The following PER2 variants were observed in gnomAD, a reference collection of about 807,000 sequenced individuals.
PER2 encodes period circadian protein homolog 2.
PER2 carries 66 observed loss-of-function variants against 121.0 expected under a neutral mutation model. The ratio of observed to expected loss-of-function variants is 0.55; its 90% CI spans 0.45 to 0.67. The LOEUF (loss-of-function observed/expected upper bound fraction) is 0.67, where lower values mean the gene tolerates loss of function less well. Among genes scored for constraint, PER2 ranks in the 30% least tolerant of loss-of-function variants. The pLI, the probability that PER2 is intolerant of heterozygous loss-of-function variation, is 0.00. For synonymous variants in PER2, 684 were observed against 659.9 expected, an observed-to-expected ratio of 1.04 and a Z score of -0.56; for missense variants, 1,521 against 1,635.0, an observed-to-expected ratio of 0.93 and a Z score of 1.20.
At chr2:238,250,289 C>A (rs992645486) in intron 21 of PER2, among the ~76,000 whole-genome samples, 1 of 152,264 alleles carries the variant, frequency 6.6e-6, no homozygotes, top group African/African-American at 2.4e-5. Flanking sequence ...AAGGAGGCAC[C>A]AGGAGCCTGT....
At chr2:238,275,001 T>C (rs1349960018) in intron 4 of PER2, among the ~76,000 whole-genome samples, 1 of 152,138 alleles carries the variant, frequency 6.6e-6, no homozygotes, top group East Asian at 1.9e-4. Context: ...TACCCAAACA[T>C]TTAAAAATAT....
intron 1 of PER2, among the ~76,000 whole-genome samples, chr2:238,285,094 G>A (rs1696743768): frequency 6.6e-6 from 1 of 152,254 alleles, no homozygotes; most frequent in South Asian, 2.1e-4. Flanking sequence ...TGGTTGAAAA[G>A]GGGCTGCCAA....
intron 1 of PER2, among the ~76,000 whole-genome samples, chr2:238,284,629 C>A (rs567911200): frequency 6.6e-6 from 1 of 152,310 alleles, no homozygotes; most frequent in African/African-American, 2.4e-5. Flanking sequence ...GTATCTGAAG[C>A]CACCATGCTG....
At chr2:238,289,804 A>G (rs548192185), upstream of PER2, 14 of 152,384 alleles carry the variant, frequency 9.2e-5, no homozygotes, top group East Asian at 9.7e-4. Context: ...TTCGGTAAGC[A>G]TTGTGTGGGG....
rs1695600209 is a variant in PER2 at position 238,251,573 on chromosome 2, C to G, written c.3274+26G>C. ...CATCCTGCAGGAACCTCCCAAGTGCCTAACACCCCGCCAGGGCCAACATAC... is the reference window on the plus strand; with the variant it reads ...CATCCTGCAGGAACCTCCCAAGTGCGTAACACCCCGCCAGGGCCAACATAC... On this transcript the variant is annotated intron_variant, in intron 20 of 22. Coordinates refer to ENST00000254657, the MANE Select transcript of PER2 (RefSeq NM_022817.3). The G allele has an allele frequency of 2.5e-6, 4 of 1,611,812 alleles. No homozygotes were observed. The East Asian group carries it at 8.9e-5, about 36-fold the overall frequency.
the PER2 span, chr2:238,295,532 C>T: frequency 4.6e-5 from 7 of 152,268 alleles, no homozygotes. Flanking sequence ...GCAAAGGGGT[C>T]TGATTGGGTT....
At position 238,244,255 on chromosome 2, in the gene PER2, G is replaced by C. The variant is rs1191551374; in HGVS notation, c.*2120C>G. 9 of 152,534 alleles carry C rather than the reference G, an allele frequency of 5.9e-5. No individual in the cohort carries two copies. The allele number at this position is 152,534 out of a possible 1,614,324, so 9.4% of individuals were successfully genotyped here. A position where few individuals can be genotyped will look rare whatever the true frequency, so the allele number is the denominator to read the frequency against. On this transcript the variant is annotated 3_prime_UTR_variant, in exon 23 of 23. Coordinates refer to ENST00000254657, the MANE Select transcript of PER2 (RefSeq NM_022817.3). ...GGGAATATATTAAAAAGAAGGCTCA[G>C]TTTAAAATAGAGAAAAACTGTTTAA... is the stretch of plus-strand genomic sequence containing the variant.
chr2:238,266,505 G>A (rs1696118526), intron 8 of PER2, among the ~76,000 whole-genome samples: 2 of 152,144 alleles, frequency 1.3e-5, no homozygotes, highest in Non-Finnish European at 2.9e-5. Flanking sequence ...AGCTGATAGA[G>A]TAATTTGCAT....
chr2:238,261,570 G>A (rs1695933645), intron 12 of PER2, 159 bp downstream of exon 12: 1 of 677,128 alleles, frequency 1.5e-6, no homozygotes, highest in South Asian at 1.6e-5. Context: ...TCTCGGACTA[G>A]CACAGTCTAT....
chr2:238,253,088 G>C lies in PER2; in HGVS notation c.2935C>G (p.Pro979Ala), dbSNP rs1191063721. The C allele has an allele frequency of 6.2e-7, 1 of 1,611,082 alleles. No individual in the cohort carries two copies. The highest frequency in any genetic ancestry group is 8.5e-7 in the Non-Finnish European group (1 of 1,178,062). Residue 979 changes from proline to alanine, a missense_variant, in exon 19 of 23, where the codon CCG (proline) becomes GCG (alanine). By Grantham distance (27) the Pro-to-Ala change is conservative (BLOSUM62 -1). Transcript: ENST00000254657. This position sits in a 1 kb window ranked among gnomAD's most constrained non-coding sequence, Gnocchi z 5.6. ...PPSAMGRASP[P>A]LFQSRSSSPL... is the part of the protein sequence containing the mutation. The stretch of plus-strand genomic sequence containing the variant: ...GAGCTGCTGCGGGACTGAAAGAGCG[G>C]TGGGGAGGCCCTACCCATGGCCGAT...
chr2:238,251,680 G>A lies in PER2; in HGVS notation c.3193C>T (p.Leu1065Phe). The stretch of plus-strand genomic sequence containing the variant: ...GCAGCAGAGCCCGAGGCTGAGCAGA[G>A]GTCCTCATTCAGCAGGAGGTTTAGG... ...GLLNLLLNEDLCSASGSAASE... is the reference protein window; with the variant it reads ...GLLNLLLNEDFCSASGSAASE... The change falls in exon 20 of 23, where the codon CTC (leucine) becomes TTC (phenylalanine). Residue 1065 changes from leucine to phenylalanine, a missense_variant. Physicochemically the swap from Leu to Phe is conservative, Grantham distance 22 (BLOSUM62 0). Coordinates refer to ENST00000254657, the MANE Select transcript of PER2 (RefSeq NM_022817.3). 1 of 1,614,076 alleles carries A rather than the reference G, an allele frequency of 6.2e-7. No individual in the cohort carries two copies. The highest frequency in any genetic ancestry group is 8.5e-7 in the Non-Finnish European group (1 of 1,179,896).
Position 238,252,877 on chromosome 2 carries a change from C to A in PER2, c.3111+35G>T, listed in dbSNP as rs1488094542. On this transcript the variant is annotated intron_variant, in intron 19 of 22. Coordinates refer to ENST00000254657, the MANE Select transcript of PER2 (RefSeq NM_022817.3). The surrounding 1 kb of genome is among the most constrained non-coding windows in gnomAD (Gnocchi z 4.2). ...GGCCTGCCAGGTGTGCTGTTTGCTG[C>A]CTGCTTTGGGGAAAGAGCATCAGAA... 1 of 1,594,542 alleles carries A rather than the reference C, an allele frequency of 6.3e-7. No individual in the cohort carries two copies.
Position 238,246,330 on chromosome 2 carries a change from C to A in PER2, c.*45G>T. 1 of 1,483,528 alleles carries A rather than the reference C, an allele frequency of 6.7e-7. No homozygotes were observed. The highest frequency in any genetic ancestry group is 9.2e-7 in the Non-Finnish European group (1 of 1,092,406). The allele number at this position is 1,483,528 out of a possible 1,614,324, so 91.9% of individuals were successfully genotyped here. A position where few individuals can be genotyped will look rare whatever the true frequency, so the allele number is the denominator to read the frequency against. ...AAGATCTTTCATCTCTTCCAAGCACCACCTGGTGTACCTCGCTGGCTGCCG... is the reference window on the plus strand; with the variant it reads ...AAGATCTTTCATCTCTTCCAAGCACAACCTGGTGTACCTCGCTGGCTGCCG... On this transcript the variant is annotated 3_prime_UTR_variant, in exon 23 of 23. Coordinates refer to ENST00000254657, the MANE Select transcript of PER2 (RefSeq NM_022817.3).
chr2:238,262,457 T>C (rs1695965237), intron 10 of PER2, 113 bp from the exon 11 acceptor site: 2 of 975,874 alleles, frequency 2.0e-6, no homozygotes, highest in Non-Finnish European at 3.2e-6. Flanking sequence ...ACTGTAGGGG[T>C]ATGAACACTT....
chr2:238,291,890 C>G (rs578203568), upstream of PER2, among the ~76,000 whole-genome samples: 1 of 152,272 alleles, frequency 6.6e-6, no homozygotes, highest in East Asian at 1.9e-4. Context: ...GTTTGCGGAC[C>G]GGTATAAAGA....
chr2:238,283,129 G>A (rs767310259), intron 1 of PER2, among the ~76,000 whole-genome samples: 3 of 152,228 alleles, frequency 2.0e-5, no homozygotes, highest in Non-Finnish European at 2.9e-5. Context: ...GGGAGAGCTC[G>A]CTTGCTGGAC....
At chr2:238,262,379 G>A (rs1339296094) in intron 10 of PER2, 35 bp from the exon 11 acceptor site, 4 of 1,609,972 alleles carry the variant, frequency 2.5e-6, no homozygotes, top group East Asian at 2.2e-5. Context: ...AGGGGAAAAG[G>A]GGAGCAAACA....
chr2:238,263,160 A>ACCCCACCCCCTC (rs554309760), intron 9 of PER2, 102 bp from the exon 10 acceptor site: 8 of 734,156 alleles, frequency 1.1e-5, no homozygotes, highest in Non-Finnish European at 1.9e-5. Context: ...TACACTCCAA[A>ACCCCACCCCCTC]CCCCACCCCC....
intron 6 of PER2, 129 bp from the exon 7 acceptor site, chr2:238,269,103 G>C (rs1696203633): frequency 2.7e-6 from 2 of 739,634 alleles, no homozygotes; most frequent in Non-Finnish European, 2.4e-6. Context: ...ATTTATGGAA[G>C]CACAAAGTAA....
Sources: gnomAD v4.1 joint callset for allele counts (sites outside exome capture counted in the v4.1 genomes callset) on GRCh38, gnomAD v4.1.1 for gene constraint, Gnocchi (gnomAD v3.1) non-coding constraint, MANE v1.5 for transcripts, NCBI Gene and HGNC (gene_info 2026-07-23, HGNC 2026-07-21) for gene names.